Variants in COL4A4 observed in about 807,000 individuals in gnomAD.
The protein encoded by COL4A4 is collagen type IV alpha 4 chain, also known as collagen alpha-4(IV) chain.
In COL4A4, 105 loss-of-function variants were observed where a neutral mutation model predicts 192.9. The observed-to-expected ratio is 0.54, with a 90% confidence interval of 0.46 to 0.64. The LOEUF (loss-of-function observed/expected upper bound fraction) is 0.64, where lower values mean the gene tolerates loss of function less well. Ranked by LOEUF, COL4A4 falls within the 30% of genes least tolerant of loss-of-function variation. The pLI, the probability that COL4A4 is intolerant of heterozygous loss-of-function variation, is 0.00. For missense variants in COL4A4, 1,967 were observed against 2,169.3 expected, an observed-to-expected ratio of 0.91 and a Z score of 1.85; for synonymous variants, 762 against 769.9, an observed-to-expected ratio of 0.99 and a Z score of 0.17.
At chr2:227,067,521 C>T (rs1363221597) in intron 25 of COL4A4, among the ~76,000 whole-genome samples, 3 of 152,312 alleles carry the variant, frequency 2.0e-5, no homozygotes, top group Non-Finnish European at 4.4e-5. Flanking sequence ...AACTATCTCT[C>T]AGACCACAAT....
In COL4A4 at chr2:227,004,690, A is replaced by C. The variant is rs960709116; in HGVS notation, c.*2635T>G. 1.3e-5 allele frequency: 2 copies of C among 152,218 alleles called. No homozygotes were observed. Among genetic ancestry groups the C allele is most frequent in the African/African-American group, 2.4e-5 (1 of 41,442 alleles). 9.4% of individuals were successfully genotyped at this position (152,218 alleles called of 1,614,324 possible). ...CTCAGCTTTCAATGTGGGGAGTGTG[A>C]GAGCAGAACGAAAGGGCCACTCATA... On this transcript the variant is annotated 3_prime_UTR_variant, in exon 48 of 48. Coordinates refer to ENST00000396625, the MANE Select transcript of COL4A4 (RefSeq NM_000092.5).
the COL4A4 span, among the ~76,000 whole-genome samples, chr2:226,994,085 C>CT: frequency 1.3e-5 from 2 of 152,228 alleles, no homozygotes; most frequent in African/African-American, 4.8e-5. Flanking sequence ...GAGAGCTGGA[C>CT]TGCGGGCACC....
At chr2:227,016,531 G>C (rs1964900185) in intron 44 of COL4A4, among the ~76,000 whole-genome samples, 1 of 152,198 alleles carries the variant, frequency 6.6e-6, no homozygotes, top group Non-Finnish European at 1.5e-5. Context: ...ACAGGGTTGA[G>C]TGGTCGCAGC....
intron 29 of COL4A4, among the ~76,000 whole-genome samples, chr2:227,056,398 G>T (rs576906732): frequency 4.9e-4 from 75 of 152,016 alleles, no homozygotes; most frequent in Non-Finnish European, 8.7e-4. Context: ...ACATGTATTT[G>T]TATTTCCTCT....
At chr2:227,002,486 T>TA (rs1447932461), downstream of COL4A4, among the ~76,000 whole-genome samples, 15 of 152,352 alleles carry the variant, frequency 9.8e-5, no homozygotes, top group East Asian at 2.5e-3. Flanking sequence ...GTGGGGTTGA[T>TA]ACAGACCTTC....
At chr2:226,976,073 T>C in the COL4A4 span, among the ~76,000 whole-genome samples, 2 of 151,484 alleles carry the variant, frequency 1.3e-5, no homozygotes, top group African/African-American at 2.4e-5. Context: ...CTATGTGCAG[T>C]ATGGATTGGA....
At chr2:227,051,610 T>C (rs931081758) in intron 32 of COL4A4, among the ~76,000 whole-genome samples, 1 of 152,188 alleles carries the variant, frequency 6.6e-6, no homozygotes, top group African/African-American at 2.4e-5. Context: ...AAAGGCAGGA[T>C]ACCTGGCTGC....
intron 24 of COL4A4, 53 bp downstream of exon 24, chr2:227,080,390 G>T (rs2150504038): frequency 6.9e-7 from 1 of 1,443,034 alleles, no homozygotes; most frequent in African/African-American, 1.4e-5. Flanking sequence ...ATAGTTGTTT[G>T]TATGACCATA....
chr2:227,150,885 C>A (rs1027020951), intron 1 of COL4A4, among the ~76,000 whole-genome samples: 1 of 146,792 alleles, frequency 6.8e-6, no homozygotes, highest in African/African-American at 2.5e-5. Flanking sequence ...GGACACAGAG[C>A]CAAACCATAT....
chr2:227,158,231 T>A (rs1184392810), intron 1 of COL4A4, among the ~76,000 whole-genome samples: 1 of 152,112 alleles, frequency 6.6e-6, no homozygotes, highest in East Asian at 1.9e-4. Flanking sequence ...ATCATGGCAA[T>A]TTAGTGGGGG....
Position 227,108,840 on chromosome 2 carries a change from C to A in COL4A4, c.686G>T (p.Gly229Val). 1 of 1,611,878 alleles carries A rather than the reference C, an allele frequency of 6.2e-7. No homozygotes were observed. The highest frequency in any genetic ancestry group is 8.5e-7 in the Non-Finnish European group (1 of 1,178,698). ...VGPPGQPGRP[G>V]LKGNPGVGVK... ...TTGCTCATGACTGCCTACCTTCAAA[C>A]CTGGACGCCCTGGTTGGCCCGGAGG... Residue 229 changes from glycine (G) to valine (V), a missense_variant, in exon 11 of 48, where the codon GGT becomes GTT. By Grantham distance (109) the Gly-to-Val change is moderately radical. Transcript: ENST00000396625.
chr2:227,052,453 A>G, intron 31 of COL4A4, 41 bp from the exon 32 acceptor site: 2 of 1,128,148 alleles, frequency 1.8e-6, no homozygotes, highest in Non-Finnish European at 2.7e-6. Flanking sequence ...GAACAGGAAC[A>G]TCACACACAT....
chr2:227,011,235 A>G (rs1963626286), intron 45 of COL4A4, among the ~76,000 whole-genome samples: 1 of 152,148 alleles, frequency 6.6e-6, no homozygotes, highest in Admixed American at 6.5e-5. Context: ...ATTGAAACCA[A>G]AAGGTATTTT....
chr2:227,094,594 T>C (rs1020445389), intron 19 of COL4A4, among the ~76,000 whole-genome samples: 2 of 152,132 alleles, frequency 1.3e-5, no homozygotes, highest in Non-Finnish European at 1.5e-5. Flanking sequence ...GTCTTAGTCA[T>C]GCAAGATAAA....
intron 3 of COL4A4, among the ~76,000 whole-genome samples, chr2:227,141,844 G>A (rs1172716834): frequency 6.6e-6 from 1 of 151,978 alleles, no homozygotes; most frequent in Non-Finnish European, 1.5e-5. Flanking sequence ...CCCAGGTCGG[G>A]ACAGCATGAA....
Position 227,043,190 on chromosome 2 carries a change from G to A in COL4A4, c.3290-6C>T, listed in dbSNP as rs915949778. The A allele has an allele frequency of 6.2e-7, 1 of 1,611,578 alleles. No individual in the cohort carries two copies. Among genetic ancestry groups the A allele is most frequent in the African/African-American group, 1.3e-5 (1 of 74,864 alleles). Reference sequence around the variant, plus strand: ...TCCGGATGCTCCAAAATGCCCTAAAGAAGGAAAGATCAAACATCAGAGTTG... The same window carrying A: ...TCCGGATGCTCCAAAATGCCCTAAAAAAGGAAAGATCAAACATCAGAGTTG... On this transcript the variant is annotated splice_polypyrimidine_tract_variant and splice_region_variant and intron_variant, in intron 35 of 47. Coordinates refer to ENST00000396625, the MANE Select transcript of COL4A4 (RefSeq NM_000092.5).
intron 31 of COL4A4, among the ~76,000 whole-genome samples, chr2:227,053,783 T>C (rs1375583822): frequency 6.6e-6 from 1 of 152,010 alleles, no homozygotes; most frequent in Non-Finnish European, 1.5e-5. Flanking sequence ...CCTGACCTCA[T>C]GATCTGCCCG....
At chr2:227,072,148 C>A (rs564967087) in intron 25 of COL4A4, among the ~76,000 whole-genome samples, 45 of 151,820 alleles carry the variant, frequency 3.0e-4, no homozygotes, top group Non-Finnish European at 5.4e-4. Context: ...AATCAATAGA[C>A]CATTAGCTAG....
Position 227,009,697 on chromosome 2 carries a change from C to CA in COL4A4, c.4522+615dup, listed in dbSNP as rs796950369. ...TGGGCAACAGAGCAAGACTCCATCT[C>CA]AAAAAAAAAAAAAGAGGAAAAGAGA... On this transcript the variant is annotated intron_variant, in intron 46 of 47. Transcript: ENST00000396625. Among the ~76,000 whole-genome samples, 312 of 86,410 alleles carry CA rather than the reference C, an allele frequency of 3.6e-3. 1 individual carries two copies. The highest frequency in any genetic ancestry group is 0.034 in the East Asian group (95 of 2,770). 56.7% of individuals were successfully genotyped at this position (86,410 alleles called of 152,430 possible). A position where few individuals can be genotyped will look rare whatever the true frequency, so the allele number is the denominator to read the frequency against.
Sources: gnomAD v4.1 joint callset for allele counts (sites outside exome capture counted in the v4.1 genomes callset) on GRCh38, gnomAD v4.1.1 for gene constraint, MANE v1.5 for transcripts, NCBI Gene and HGNC (gene_info 2026-07-23, HGNC 2026-07-21) for gene names.